LRRC7: variants seen among roughly 807,000 people sequenced by gnomAD.
The protein encoded by LRRC7 is leucine-rich repeat-containing protein 7.
Under a neutral mutation model 175.7 loss-of-function variants are expected in LRRC7, and 23 were observed. That is an observed-to-expected ratio of 0.13 (90% CI 0.09 to 0.19). LRRC7 has a LOEUF of 0.19. LRRC7 is among the 10% of genes least tolerant of loss of function. The pLI is 1.00. For synonymous variants in LRRC7, 685 were observed against 680.9 expected (o/e 1.01, Z -0.09); for missense variants, 1,354 against 1,904.7 (o/e 0.71, Z 5.38).
intron 22 of LRRC7, 42 bp downstream of exon 22, chr1:70,044,136 A>G (rs1660146707): frequency 3.1e-6 from 5 of 1,593,792 alleles, no homozygotes; most frequent in Non-Finnish European, 4.3e-6. Flanking sequence ...TACCAAAGCC[A>G]ATTAATGTTG....
At chr1:69,593,377 T>A (rs1646715523) in intron 1 of LRRC7, among the ~76,000 whole-genome samples, 1 of 152,134 alleles carries the variant, frequency 6.6e-6, no homozygotes, top group South Asian at 2.1e-4. Flanking sequence ...TTTTTATTGT[T>A]TTTATAGTTT....
intron 7 of LRRC7, chr1:69,919,668 C>A: frequency 1.1e-6 from 1 of 942,392 alleles, no homozygotes; most frequent in Non-Finnish European, 1.7e-6. Flanking sequence ...GAGTCTCCGG[C>A]CTCACAATTC....
In LRRC7 at chr1:70,023,566, CAG is replaced by C. The variant is rs564515883; in HGVS notation, c.1794+195_1794+196del. Among the ~76,000 whole-genome samples the C allele has an allele frequency of 3.3e-3, 506 of 151,740 alleles. 2 individuals are homozygous for C. Among genetic ancestry groups the C allele is most frequent in the African/African-American group, 0.011 (472 of 41,394 alleles). Reference sequence around the variant, plus strand: ...GGCAATGGGGTGGGGAGGACTAAGTCAGAGGGGAGGGAATATCAATGTGAGGT... The same window carrying C: ...GGCAATGGGGTGGGGAGGACTAAGTCAGGGGAGGGAATATCAATGTGAGGT... On this transcript the variant is annotated intron_variant, in intron 17 of 26. Transcript: ENST00000651989.
chr1:69,717,967 AAG>A lies in LRRC7; in HGVS notation c.100+39491_100+39492del, dbSNP rs1405953471. 9.5e-4 allele frequency among the ~76,000 whole-genome samples: 104 copies of A among 109,430 alleles called. 4 individuals are homozygous for A. Among genetic ancestry groups the A allele is most frequent in the African/African-American group, 3.3e-3 (93 of 28,204 alleles). 71.8% of individuals were successfully genotyped at this position (109,430 alleles called of 152,430 possible). On this transcript the variant is annotated intron_variant, in intron 2 of 26. Transcript: ENST00000651989. ...AAGAAAGAAAGAAAGAAGAAAAAGA[AAG>A]AAAGAGAAAGAAAGAGGAGGGAGAG... is the stretch of plus-strand genomic sequence containing the variant.
rs147627424 is a variant in LRRC7 at position 69,754,819 on chromosome 1, G to A, written c.101-5372G>A. On this transcript the variant is annotated intron_variant, in intron 2 of 26. Coordinates refer to ENST00000651989, the MANE Select transcript of LRRC7 (RefSeq NM_001370785.2). ...CTATAAAACATAAAGTAGAAATGACGAGGGAAGTAAATCTGCATTAGACAT... is the reference window on the plus strand; with the variant it reads ...CTATAAAACATAAAGTAGAAATGACAAGGGAAGTAAATCTGCATTAGACAT... Among the ~76,000 whole-genome samples, 20 of 152,056 alleles carry A rather than the reference G, an allele frequency of 1.3e-4. No individual in the cohort carries two copies. The East Asian group carries it at 2.5e-3, about 19-fold the overall frequency.
At chr1:69,881,885 TA>T (rs61466996) in intron 7 of LRRC7, among the ~76,000 whole-genome samples, 19,550 of 120,800 alleles carry the variant, frequency 0.16, 1,945 homozygotes, top group African/African-American at 0.33. Context: ...GTCTCCAGAT[TA>T]AAAAAAAAAA....
intron 7 of LRRC7, among the ~76,000 whole-genome samples, chr1:69,923,087 G>T (rs146061829): frequency 6.6e-6 from 1 of 151,890 alleles, no homozygotes; most frequent in Non-Finnish European, 1.5e-5. Context: ...TTGTCCTTGC[G>T]ATAGTTTATT....
In LRRC7 at chr1:69,568,214, T is replaced by C. The variant is rs1003918019; in HGVS notation, c.-426T>C. The stretch of plus-strand genomic sequence containing the variant: ...AGGATTCGCCTTTCCTGCTTGTCTC[T>C]TCTCCGCCCAGGATTTATTGTCTGT... On this transcript the variant is annotated 5_prime_UTR_variant, in exon 1 of 27. Coordinates refer to ENST00000651989, the MANE Select transcript of LRRC7 (RefSeq NM_001370785.2). 7.9e-5 allele frequency among the ~76,000 whole-genome samples: 12 copies of C among 151,678 alleles called. No individual in the cohort carries two copies. The highest frequency in any genetic ancestry group is 2.0e-4 in the Admixed American group (3 of 15,252).
chr1:70,028,631 C>A (rs956479633), intron 18 of LRRC7, among the ~76,000 whole-genome samples: 2 of 152,056 alleles, frequency 1.3e-5, no homozygotes, highest in African/African-American at 4.8e-5. Flanking sequence ...CAAGGCCTGG[C>A]CAGTGAGTGC....
rs544323776 is a variant in LRRC7 at position 69,822,049 on chromosome 1, T to C, written c.422-3699T>C. ...TTCAGGAGAGAAACACCTTCACCAG[T>C]CAGCCAGATGATGGATTCTGAGTCT... is the stretch of plus-strand genomic sequence containing the variant. On this transcript the variant is annotated intron_variant, in intron 4 of 26. Transcript: ENST00000651989. Among the ~76,000 whole-genome samples, 12 of 152,278 alleles carry C rather than the reference T, an allele frequency of 7.9e-5. No individual in the cohort carries two copies. In the South Asian group the frequency reaches 2.3e-3, roughly 29 times the overall value.
chr1:69,596,095 G>T (rs1046841911), intron 1 of LRRC7, among the ~76,000 whole-genome samples: 6 of 151,998 alleles, frequency 3.9e-5, no homozygotes, highest in Middle Eastern at 3.2e-3. Flanking sequence ...CAGAAGGACT[G>T]CCCAGGTGCT....
intron 1 of LRRC7, among the ~76,000 whole-genome samples, chr1:69,568,876 C>T (rs1455147898): frequency 1.3e-5 from 2 of 152,160 alleles, no homozygotes; most frequent in African/African-American, 4.8e-5. Flanking sequence ...CATGGGAGCA[C>T]CGAGTAGCTT....
chr1:69,761,770 T>A (rs1218259356), intron 3 of LRRC7, among the ~76,000 whole-genome samples: 1 of 152,036 alleles, frequency 6.6e-6, no homozygotes, highest in Non-Finnish European at 1.5e-5. Flanking sequence ...TCCTGGTACA[T>A]GGGCAGGCAT....
chr1:69,943,600 T>A (rs1648965636), intron 8 of LRRC7, among the ~76,000 whole-genome samples: 1 of 152,150 alleles, frequency 6.6e-6, no homozygotes. Context: ...ATGAGTTATA[T>A]TTCAATGTTT....
At chr1:69,917,408 T>C (rs1646753651) in intron 7 of LRRC7, among the ~76,000 whole-genome samples, 1 of 152,158 alleles carries the variant, frequency 6.6e-6, no homozygotes, top group South Asian at 2.1e-4. Context: ...GTAGAGCCAA[T>C]GAGTGCATTC....
chr1:69,594,407 C>T (rs918368190), intron 1 of LRRC7, among the ~76,000 whole-genome samples: 1 of 152,076 alleles, frequency 6.6e-6, no homozygotes, highest in Non-Finnish European at 1.5e-5. Context: ...ATTTGGCAAG[C>T]ATTCCAGATA....
intron 7 of LRRC7, among the ~76,000 whole-genome samples, chr1:69,903,293 G>GA (rs1646190805): frequency 6.6e-6 from 1 of 152,176 alleles, no homozygotes; most frequent in African/African-American, 2.4e-5. Context: ...ATCTCACTGG[G>GA]ACTGGTTAGA....
intron 3 of LRRC7, among the ~76,000 whole-genome samples, chr1:69,775,727 AAGAG>A (rs1361989164): frequency 2.0e-5 from 3 of 152,200 alleles, no homozygotes; most frequent in Non-Finnish European, 2.9e-5. Context: ...AATGATTTCT[AAGAG>A]AGAACCATAA....
At chr1:69,831,992 T>C (rs1391285229) in intron 5 of LRRC7, among the ~76,000 whole-genome samples, 1 of 152,188 alleles carries the variant, frequency 6.6e-6, no homozygotes, top group Admixed American at 6.6e-5. Flanking sequence ...ATTGAGGACT[T>C]ATTACTAAGA....
Sources: gnomAD v4.1 joint callset for allele counts (sites outside exome capture counted in the v4.1 genomes callset) on GRCh38, gnomAD v4.1.1 for gene constraint, MANE v1.5 for transcripts, NCBI Gene and HGNC (gene_info 2026-07-23, HGNC 2026-07-21) for gene names.